The following C3orf52 variants were observed in gnomAD, a reference collection of about 807,000 sequenced individuals.
C3orf52 encodes the protein chromosome 3 open reading frame 52.
A neutral mutation model predicts 24.8 loss-of-function variants in C3orf52; 22 were observed. The ratio of observed to expected loss-of-function variants is 0.89; its 90% confidence interval spans 0.63 to 1.27. The LOEUF (loss-of-function observed/expected upper bound fraction) is 1.27, where lower values mean the gene tolerates loss of function less well. C3orf52 is among the 50% of genes most tolerant of loss of function. The probability of loss-of-function intolerance (pLI) is 0.00; values close to 1 mark genes in which losing one functional copy is unlikely to be tolerated. For synonymous variants in C3orf52, 93 were observed against 100.2 expected, an observed-to-expected ratio of 0.93 and a Z score of 0.43; for missense variants, 265 against 260.7, an observed-to-expected ratio of 1.02 and a Z score of -0.11.
Position 112,117,827 on chromosome 3 carries a change from AAG to A in C3orf52, c.*1184_*1185del, listed in dbSNP as rs1307579189. On this transcript the variant is annotated 3_prime_UTR_variant, in exon 6 of 6. Coordinates refer to ENST00000264848, the MANE Select transcript of C3orf52 (RefSeq NM_024616.3). Reference sequence around the variant, plus strand: ...TTGGGAAAAGAAATTTACCAGGAGAAAGAGTTTTGTGCTGTATTGTGAGAGAT... The same window carrying A: ...TTGGGAAAAGAAATTTACCAGGAGAAAGTTTTGTGCTGTATTGTGAGAGAT... 1 of 152,236 alleles carries A rather than the reference AAG, an allele frequency of 6.6e-6. No homozygotes were observed. Among genetic ancestry groups the A allele is most frequent in the African/African-American group, 2.4e-5 (1 of 41,448 alleles). 9.4% of individuals were successfully genotyped at this position (152,236 alleles called of 1,614,324 possible). A position where few individuals can be genotyped will look rare whatever the true frequency, so the allele number is the denominator to read the frequency against.
intron 5 of C3orf52, among the ~76,000 whole-genome samples, chr3:112,116,426 G>A (rs551103300): frequency 6.6e-6 from 1 of 152,108 alleles, no homozygotes; most frequent in Admixed American, 6.5e-5. Context: ...AAACAAATAA[G>A]CAAGAAACAA....
intron 1 of C3orf52, among the ~76,000 whole-genome samples, chr3:112,088,503 G>A (rs898851738): frequency 5.9e-5 from 9 of 151,690 alleles, no homozygotes; most frequent in Admixed American, 2.6e-4. Flanking sequence ...TTAAGAGGAA[G>A]GCGTCAGTAT....
intron 4 of C3orf52, chr3:112,126,913 G>T: frequency 9.7e-7 from 1 of 1,027,812 alleles, no homozygotes; most frequent in Non-Finnish European, 1.5e-6. Flanking sequence ...AGGGGCTTTG[G>T]GAACATAGAG....
intron 2 of C3orf52, among the ~76,000 whole-genome samples, chr3:112,097,853 C>T (rs748159750): frequency 1.3e-5 from 2 of 152,188 alleles, no homozygotes; most frequent in East Asian, 1.9e-4. Flanking sequence ...CAGATATCTC[C>T]TCCTCTCTCT....
At chr3:112,120,385 G>A (rs938930681), downstream of C3orf52, among the ~76,000 whole-genome samples, 40 of 152,170 alleles carry the variant, frequency 2.6e-4, 1 homozygote, top group Admixed American at 2.4e-3. Context: ...CCTAAAAAAC[G>A]TTAGCATTTC....
rs916419863 is a variant in C3orf52 at position 112,117,766 on chromosome 3, A to T, written c.*1120A>T. 5.3e-5 allele frequency: 8 copies of T among 152,246 alleles called. No individual in the cohort carries two copies. Among genetic ancestry groups the T allele is most frequent in the African/African-American group, 1.9e-4 (8 of 41,462 alleles). The allele number at this position is 152,246 out of a possible 1,614,324, so 9.4% of individuals were successfully genotyped here. On this transcript the variant is annotated 3_prime_UTR_variant, in exon 6 of 6. Coordinates refer to ENST00000264848, the MANE Select transcript of C3orf52 (RefSeq NM_024616.3). ...GCAACTGTATTGGTTGTCTACAGAT[A>T]CAGAATTGCCTGTTGTGAGGGAACT...
intron 2 of C3orf52, among the ~76,000 whole-genome samples, chr3:112,096,334 T>G (rs897987077): frequency 2.0e-5 from 3 of 152,196 alleles, no homozygotes; most frequent in African/African-American, 7.2e-5. Context: ...AGATGGTGCA[T>G]TCCTGCACCA....
In C3orf52 at chr3:112,127,144, A is replaced by G. The variant is rs1010216959; in HGVS notation, c.*47-1089A>G. ...TCTTTGTTAAAGTTATATACCTTTT[A>G]TAATACCTCCTTCAGCATAGATGAG... is the stretch of plus-strand genomic sequence containing the variant. On this transcript the variant is annotated intron_variant, in intron 4 of 4. Coordinates refer to the C3orf52 transcript ENST00000480282. 3 of 649,434 alleles carry G rather than the reference A, an allele frequency of 4.6e-6. 1 individual carries two copies. The highest frequency in any genetic ancestry group is 7.9e-6 in the Non-Finnish European group (3 of 377,524). 40.2% of individuals were successfully genotyped at this position (649,434 alleles called of 1,614,324 possible).
At chr3:112,097,302 A>C (rs1464450327) in intron 2 of C3orf52, among the ~76,000 whole-genome samples, 5 of 152,200 alleles carry the variant, frequency 3.3e-5, no homozygotes, top group Non-Finnish European at 5.9e-5. Flanking sequence ...AATATTTTAA[A>C]TATTTCAAAA....
At chr3:112,129,503 A>G (rs1426101218), downstream of C3orf52, 2 of 152,158 alleles carry the variant, frequency 1.3e-5, no homozygotes, top group East Asian at 1.9e-4. Context: ...ACAAATCTCT[A>G]TACCCTTAGG....
intron 4 of C3orf52, chr3:112,123,634 A>G: frequency 6.2e-7 from 1 of 1,613,764 alleles, no homozygotes; most frequent in East Asian, 2.2e-5. Flanking sequence ...CCTCCCAAGG[A>G]CTCTCTGGGT....
At chr3:112,096,933 AG>A (rs1441110900) in intron 2 of C3orf52, among the ~76,000 whole-genome samples, 4 of 152,212 alleles carry the variant, frequency 2.6e-5, no homozygotes, top group African/African-American at 4.8e-5. Flanking sequence ...AGCACTGAGT[AG>A]GGGCTTTGTA....
intron 2 of C3orf52, among the ~76,000 whole-genome samples, chr3:112,099,730 T>C (rs1307122931): frequency 1.3e-5 from 2 of 152,240 alleles, no homozygotes; most frequent in African/African-American, 4.8e-5. Context: ...ATTCTTCCTG[T>C]TCCTGGGCTT....
At position 112,100,553 on chromosome 3, in the gene C3orf52, C is replaced by T. The variant is rs181313579; in HGVS notation, c.269-2285C>T. On this transcript the variant is annotated intron_variant, in intron 2 of 5. Transcript: ENST00000264848. ...ATGTGTCAGAGCTATTATGGGAGGC[C>T]TGTTTTCACACTTGGCATCTCTTCT... Among the ~76,000 whole-genome samples the T allele has an allele frequency of 2.3e-3, 346 of 152,192 alleles. 2 individuals are homozygous for T. Among genetic ancestry groups the T allele is most frequent in the African/African-American group, 8.1e-3 (338 of 41,524 alleles).
chr3:112,135,999 C>CTAA (rs2074547135), downstream of C3orf52, among the ~76,000 whole-genome samples: 1 of 152,164 alleles, frequency 6.6e-6, no homozygotes, highest in Non-Finnish European at 1.5e-5. Context: ...AGCACACACC[C>CTAA]TAATGTCCAT....
In C3orf52 at chr3:112,116,634, C is replaced by A. The variant is rs1352399861; in HGVS notation, c.650-8C>A. On this transcript the variant is annotated splice_region_variant and splice_polypyrimidine_tract_variant and intron_variant, in intron 5 of 5. Transcript: ENST00000264848. ...AGTAACTTTTGTTCATCTGTGTTTT[C>A]TTTTTAGAATGAAGTGATGGAGGCT... The A allele has an allele frequency of 7.1e-6, 11 of 1,555,616 alleles. No individual in the cohort carries two copies. Among genetic ancestry groups the A allele is most frequent in the Middle Eastern group, 1.7e-4 (1 of 5,888 alleles).
At chr3:112,092,989 C>G (rs977104781) in intron 1 of C3orf52, among the ~76,000 whole-genome samples, 2 of 152,178 alleles carry the variant, frequency 1.3e-5, no homozygotes, top group African/African-American at 2.4e-5. Context: ...CTTTCACTCT[C>G]TCTAATCTTA....
At position 112,109,831 on chromosome 3, in the gene C3orf52, A is replaced by G. The variant is rs151186123; in HGVS notation, c.467+218A>G. ...GAAAAAGGAAGCCCAGATTAATGGT[A>G]TAATTCAACCAGGGTCACACAGAAG... is the stretch of plus-strand genomic sequence containing the variant. On this transcript the variant is annotated intron_variant, in intron 4 of 5. Transcript: ENST00000264848. The G allele has an allele frequency of 1.2e-3, 531 of 440,932 alleles. 1 individual carries two copies. The highest frequency in any genetic ancestry group is 1.7e-3 in the Non-Finnish European group (422 of 242,628). The allele number at this position is 440,932 out of a possible 1,614,324, so 27.3% of individuals were successfully genotyped here.
At chr3:112,113,484 AC>A (rs2074106402) in intron 5 of C3orf52, among the ~76,000 whole-genome samples, 2 of 152,162 alleles carry the variant, frequency 1.3e-5, no homozygotes, top group African/African-American at 4.8e-5. Context: ...ATGATTAGCA[AC>A]CTTTATGGAG....
Sources: gnomAD v4.1 joint callset for allele counts (sites outside exome capture counted in the v4.1 genomes callset) on GRCh38, gnomAD v4.1.1 for gene constraint, MANE v1.5 for transcripts, NCBI Gene and HGNC (gene_info 2026-07-23, HGNC 2026-07-21) for gene names.